Variants in TBL1XR1 observed in about 807,000 individuals in gnomAD.
The protein encoded by TBL1XR1 is TBL1X/Y related 1, also known as F-box-like/WD repeat-containing protein TBL1XR1.
In TBL1XR1, 5 loss-of-function variants were observed where a neutral mutation model predicts 66.9. That is an observed-to-expected ratio of 0.07 (90% CI 0.04 to 0.16). TBL1XR1 has a LOEUF of 0.16. Among genes scored for constraint, TBL1XR1 ranks in the 10% least tolerant of loss-of-function variants. TBL1XR1 has a pLI of 1.00. For missense variants in TBL1XR1, 238 were observed against 623.2 expected, an observed-to-expected ratio of 0.38 and a Z score of 6.58; for synonymous variants, 210 against 206.0, an observed-to-expected ratio of 1.02 and a Z score of -0.17.
intron 1 of TBL1XR1, among the ~76,000 whole-genome samples, chr3:177,114,628 G>C (rs967925985): frequency 5.3e-5 from 8 of 151,532 alleles, no homozygotes. Context: ...GATTTGTGTT[G>C]CACATGACAA....
chr3:177,177,139 T>C (rs1442961434), intron 1 of TBL1XR1, among the ~76,000 whole-genome samples: 1 of 152,166 alleles, frequency 6.6e-6, no homozygotes, highest in Non-Finnish European at 1.5e-5. Context: ...TGAATACCCT[T>C]TTTAACTTAA....
intron 2 of TBL1XR1, among the ~76,000 whole-genome samples, chr3:177,072,531 T>C (rs1286315518): frequency 6.6e-6 from 1 of 152,112 alleles, no homozygotes; most frequent in Admixed American, 6.5e-5. Flanking sequence ...GGTGATATTA[T>C]GAAAATCTTA....
chr3:177,039,866 A>C (rs1317360288), intron 10 of TBL1XR1, among the ~76,000 whole-genome samples: 1 of 152,184 alleles, frequency 6.6e-6, no homozygotes, highest in Admixed American at 6.5e-5. Flanking sequence ...AACCCAGACA[A>C]ATGCATGAAG....
At chr3:177,100,907 G>C (rs1035457582) in intron 1 of TBL1XR1, among the ~76,000 whole-genome samples, 8 of 150,492 alleles carry the variant, frequency 5.3e-5, no homozygotes, top group Non-Finnish European at 4.4e-5. Context: ...CCAGGCTGGA[G>C]TGCAATGGCG....
At chr3:177,085,057 T>C (rs1387557852) in intron 2 of TBL1XR1, among the ~76,000 whole-genome samples, 1 of 152,124 alleles carries the variant, frequency 6.6e-6, no homozygotes, top group Admixed American at 6.6e-5. Context: ...TTTCTTTCAA[T>C]CAAAAAATCG....
intron 2 of TBL1XR1, chr3:177,078,518 G>GC: frequency 1.3e-5 from 2 of 151,330 alleles, no homozygotes; most frequent in Middle Eastern, 3.4e-3. Context: ...CCAGGAGTTT[G>GC]AGGCTGTAGT....
chr3:177,198,672 T>C (rs190675594), upstream of TBL1XR1, among the ~76,000 whole-genome samples: 104 of 152,324 alleles, frequency 6.8e-4, 1 homozygote, highest in Non-Finnish European at 3.7e-4. Flanking sequence ...GCCACCCTTT[T>C]ACATTAAGAT....
intron 1 of TBL1XR1, among the ~76,000 whole-genome samples, chr3:177,172,674 AGGG>A (rs60017109): frequency 7.3e-5 from 4 of 54,928 alleles, no homozygotes; most frequent in Non-Finnish European, 1.5e-4. Context: ...AAGGGAGGGG[AGGG>A]GAGGGGAGAG....
At chr3:177,038,526 TACTA>T in intron 10 of TBL1XR1, 92 bp from the exon 11 acceptor site, 6 of 1,240,496 alleles carry the variant, frequency 4.8e-6, no homozygotes, top group Non-Finnish European at 6.4e-6. Flanking sequence ...TAATAAAATA[TACTA>T]ACAGGCACTT....
chr3:177,032,024 A>T (rs1560097581), intron 14 of TBL1XR1, among the ~76,000 whole-genome samples: 1 of 152,222 alleles, frequency 6.6e-6, no homozygotes, highest in Admixed American at 6.5e-5. Flanking sequence ...TGTCATTCAT[A>T]AGAAAATGCA....
At chr3:177,121,376 A>T (rs183519499) in intron 1 of TBL1XR1, among the ~76,000 whole-genome samples, 2,264 of 152,296 alleles carry the variant, frequency 0.015, 32 homozygotes, top group Non-Finnish European at 0.024. Flanking sequence ...CATAATAAAA[A>T]TTTAAAAATA....
At chr3:177,189,851 G>C (rs1735912117) in intron 1 of TBL1XR1, among the ~76,000 whole-genome samples, 2 of 151,892 alleles carry the variant, frequency 1.3e-5, no homozygotes, top group South Asian at 4.2e-4. Context: ...TAAATTAATA[G>C]TAATGGCTCA....
chr3:177,163,532 T>C (rs1732467319), intron 1 of TBL1XR1, among the ~76,000 whole-genome samples: 1 of 151,834 alleles, frequency 6.6e-6, no homozygotes, highest in South Asian at 2.1e-4. Flanking sequence ...AGAAAGCTCT[T>C]TGTGTAGATG....
chr3:177,070,035 A>G (rs1169325293), intron 2 of TBL1XR1, among the ~76,000 whole-genome samples: 1 of 152,218 alleles, frequency 6.6e-6, no homozygotes, highest in East Asian at 1.9e-4. Flanking sequence ...TTTTTAAAAA[A>G]CAGAATATTT....
At chr3:177,055,809 C>G (rs935788415) in intron 3 of TBL1XR1, among the ~76,000 whole-genome samples, 1 of 152,104 alleles carries the variant, frequency 6.6e-6, no homozygotes, top group Non-Finnish European at 1.5e-5. Context: ...AACAGCCAAA[C>G]GCCAAGCAGC....
chr3:177,039,441 T>G (rs1218962520), intron 10 of TBL1XR1, among the ~76,000 whole-genome samples: 1 of 152,172 alleles, frequency 6.6e-6, no homozygotes, highest in East Asian at 1.9e-4. Context: ...TGCAAATAAT[T>G]TTCTTCTAAG....
chr3:177,022,491 A>G lies in TBL1XR1; in HGVS notation c.*3007T>C. On this transcript the variant is annotated 3_prime_UTR_variant, in exon 16 of 16. Transcript: ENST00000457928. ...ATGGGATTTCCTACACGGAGACAAA[A>G]AAAGATATTCCTTTATGTTGTTTAA... 6.6e-6 allele frequency: 1 copy of G among 152,668 alleles called. No individual in the cohort carries two copies. 9.5% of individuals were successfully genotyped at this position (152,668 alleles called of 1,614,324 possible).
upstream of TBL1XR1, among the ~76,000 whole-genome samples, chr3:177,200,735 G>A (rs921664469): frequency 2.0e-5 from 3 of 152,196 alleles, no homozygotes; most frequent in African/African-American, 7.2e-5. Context: ...GCTGGGTGTG[G>A]TGGTTCACGC....
At chr3:177,027,616 T>C (rs962361064) in intron 14 of TBL1XR1, 2 of 132,704 alleles carry the variant, frequency 1.5e-5, no homozygotes, top group African/African-American at 5.7e-5. Flanking sequence ...GCAGATCTAC[T>C]TAAAAGCACA....
Sources: allele counts gnomAD v4.1 joint callset (sites outside exome capture counted in the v4.1 genomes callset), GRCh38; gene constraint gnomAD v4.1.1; transcripts MANE v1.5; gene names NCBI Gene and HGNC (gene_info 2026-07-23, HGNC 2026-07-21).